Variants in RAP1GAP observed in about 807,000 individuals in gnomAD.
RAP1GAP encodes the protein RAP1 GTPase activating protein.
A neutral mutation model predicts 87.2 loss-of-function variants in RAP1GAP; 35 were observed. The observed-to-expected ratio is 0.40, with a 90% CI of 0.31 to 0.53. The LOEUF (loss-of-function observed/expected upper bound fraction) is 0.53. RAP1GAP is among the 20% of genes least tolerant of loss of function. The pLI is 0.48. For missense variants in RAP1GAP, 734 were observed against 898.9 expected, an observed-to-expected ratio of 0.82 and a Z score of 2.35; for synonymous variants, 375 against 363.9, an observed-to-expected ratio of 1.03 and a Z score of -0.35.
chr1:21,618,813 A>G (rs1300341266), intron 5 of RAP1GAP, among the ~76,000 whole-genome samples: 1 of 152,008 alleles, frequency 6.6e-6, no homozygotes, highest in African/African-American at 2.4e-5. Flanking sequence ...CTCTAGCAAG[A>G]GAGGGGTTCT....
chr1:21,628,592 C>T (rs1283920389), intron 2 of RAP1GAP, among the ~76,000 whole-genome samples: 10 of 152,068 alleles, frequency 6.6e-5, no homozygotes, highest in South Asian at 6.2e-4. Flanking sequence ...TGGTGGTGCA[C>T]GCCTATAGTC....
chr1:21,662,837 C>A (rs1481751968), intron 1 of RAP1GAP, among the ~76,000 whole-genome samples: 2 of 152,210 alleles, frequency 1.3e-5, no homozygotes, highest in Non-Finnish European at 2.9e-5. Flanking sequence ...GGCTATTTAA[C>A]CTCTCTGAGC....
chr1:21,597,846 G>C, intron 23 of RAP1GAP, 115 bp downstream of exon 23: 1 of 1,503,440 alleles, frequency 6.7e-7, no homozygotes, highest in Admixed American at 1.9e-5. Flanking sequence ...ACCCCTCCTG[G>C]CCTAGCGGGG....
rs776730385 is a variant in RAP1GAP, at chr1:21,609,664, T to C, written c.1000-18A>G. 26 of 1,546,196 alleles carry C rather than the reference T, an allele frequency of 1.7e-5. No homozygotes were observed. The highest frequency in any genetic ancestry group is 4.2e-5 in the African/African-American group (3 of 72,282). On this transcript the variant is annotated intron_variant, in intron 14 of 24. Coordinates refer to ENST00000374765, the MANE Select transcript of RAP1GAP (RefSeq NM_002885.4). This position sits in a 1 kb window ranked among gnomAD's most constrained non-coding sequence, Gnocchi z 4.4. ...ACAGAGACCTGGAAGGGAGGGCAGC[T>C]GTCTGTTCCTGTGGAGCCTGGGGTC...
intron 3 of RAP1GAP, among the ~76,000 whole-genome samples, chr1:21,626,013 T>C (rs2091880707): frequency 6.6e-6 from 1 of 152,110 alleles, no homozygotes; most frequent in Non-Finnish European, 1.5e-5. Flanking sequence ...GTGACGTTGA[T>C]TGTGGAGATG....
rs367763987 is a variant in RAP1GAP at position 21,608,355 on chromosome 1, G to A, written c.1159-5C>T. The A allele has an allele frequency of 6.2e-7, 1 of 1,612,084 alleles. No individual in the cohort carries two copies. Among genetic ancestry groups the A allele is most frequent in the Non-Finnish European group, 8.5e-7 (1 of 1,179,230 alleles). ...GAGGGCGGCCCGCGTCCGCTCCTGT[G>A]GGCCAGGCCCGGGCCGTCAGGAGGG... On this transcript the variant is annotated splice_region_variant and splice_polypyrimidine_tract_variant and intron_variant, in intron 16 of 24. Coordinates refer to ENST00000374765, the MANE Select transcript of RAP1GAP (RefSeq NM_002885.4).
In RAP1GAP at chr1:21,618,888, C is replaced by G. The variant is rs138930053; in HGVS notation, c.66+137G>C. 281 of 1,017,916 alleles carry G rather than the reference C, an allele frequency of 2.8e-4. 2 individuals are homozygous for G. The East Asian group carries it at 5.0e-3, about 18-fold the overall frequency. 63.1% of individuals were successfully genotyped at this position (1,017,916 alleles called of 1,614,324 possible). A position where few individuals can be genotyped will look rare whatever the true frequency, so the allele number is the denominator to read the frequency against. On this transcript the variant is annotated intron_variant, in intron 5 of 24. Transcript: ENST00000374765. ...CCCTGCTAGAAGCTGTGCCTCCCCCCCTACCCCCGCACCTGGCACACTGTA... is the reference window on the plus strand; with the variant it reads ...CCCTGCTAGAAGCTGTGCCTCCCCCGCTACCCCCGCACCTGGCACACTGTA...
chr1:21,640,596 G>T (rs1293238123), intron 2 of RAP1GAP, among the ~76,000 whole-genome samples: 2 of 152,230 alleles, frequency 1.3e-5, no homozygotes, highest in Non-Finnish European at 2.9e-5. Flanking sequence ...AGGCAGCTGG[G>T]CTGGGAAAGG....
chr1:21,603,776 C>A lies in RAP1GAP; in HGVS notation c.1429-863G>T, dbSNP rs766648897. 2.0e-6 allele frequency: 3 copies of A among 1,530,562 alleles called. No homozygotes were observed. The highest frequency in any genetic ancestry group is 4.5e-5 in the East Asian group (2 of 44,480). 94.8% of individuals were successfully genotyped at this position (1,530,562 alleles called of 1,614,324 possible). A position where few individuals can be genotyped will look rare whatever the true frequency, so the allele number is the denominator to read the frequency against. On this transcript the variant is annotated intron_variant, in intron 18 of 24. Coordinates refer to ENST00000374765, the MANE Select transcript of RAP1GAP (RefSeq NM_002885.4). The surrounding 1 kb of genome is among the most constrained non-coding windows in gnomAD (Gnocchi z 6.0). ...CCCAATATGGCCTCCGTCCTGAGAGCGAGCAGAGAACAGCGCGTGCAGGCA... is the reference window on the plus strand; with the variant it reads ...CCCAATATGGCCTCCGTCCTGAGAGAGAGCAGAGAACAGCGCGTGCAGGCA...
intron 1 of RAP1GAP, among the ~76,000 whole-genome samples, chr1:21,660,448 T>C (rs1196122466): frequency 6.7e-6 from 1 of 150,254 alleles, no homozygotes; most frequent in African/African-American, 2.4e-5. Context: ...ATTCTCTCGC[T>C]TCAGCCTCCT....
chr1:21,616,424 A>C (rs2082204241), intron 7 of RAP1GAP, among the ~76,000 whole-genome samples: 1 of 152,240 alleles, frequency 6.6e-6, no homozygotes, highest in South Asian at 2.1e-4. Flanking sequence ...GTGGTTCTAG[A>C]AGCTTTGCGT....
chr1:21,608,992 C>T, intron 15 of RAP1GAP, 56 bp from the exon 16 acceptor site: 1 of 1,473,872 alleles, frequency 6.8e-7, no homozygotes, highest in Non-Finnish European at 9.5e-7. Flanking sequence ...GACACATAAA[C>T]AAGGGTCGGA....
chr1:21,626,846 A>T (rs937430937), intron 2 of RAP1GAP: 7 of 455,490 alleles, frequency 1.5e-5, no homozygotes, highest in African/African-American at 1.2e-4. Context: ...ACCATAACTG[A>T]CGCTCATTGG....
chr1:21,660,482 C>T (rs1475522946), intron 1 of RAP1GAP, among the ~76,000 whole-genome samples: 3 of 151,158 alleles, frequency 2.0e-5, no homozygotes, highest in Non-Finnish European at 3.0e-5. Flanking sequence ...TACAGGCACC[C>T]GCCACCATGC....
At position 21,603,946 on chromosome 1, in the gene RAP1GAP, A is replaced by C. The variant is rs1271389865; in HGVS notation, c.1429-1033T>G. On this transcript the variant is annotated intron_variant, in intron 18 of 24. Coordinates refer to ENST00000374765, the MANE Select transcript of RAP1GAP (RefSeq NM_002885.4). This position sits in a 1 kb window ranked among gnomAD's most constrained non-coding sequence, Gnocchi z 6.0. Reference sequence around the variant, plus strand: ...CAGCAGAGGGCGGGGGCAGAGAGAGAGAGACAGAGAGAGAGTCAGAGAGCA... The same window carrying C: ...CAGCAGAGGGCGGGGGCAGAGAGAGCGAGACAGAGAGAGAGTCAGAGAGCA... 7.0e-7 allele frequency: 1 copy of C among 1,431,620 alleles called. No individual in the cohort carries two copies. The highest frequency in any genetic ancestry group is 9.5e-7 in the Non-Finnish European group (1 of 1,056,896). 88.7% of individuals were successfully genotyped at this position (1,431,620 alleles called of 1,614,324 possible).
In RAP1GAP at chr1:21,634,072, G is replaced by A. The variant is rs867249559; in HGVS notation, c.-112-7675C>T. ...CTGCCCCCTCCCGGGGGGGGGGGGG[G>A]GCCACAGAAGCCCATTGTTTTCTGA... On this transcript the variant is annotated intron_variant, in intron 2 of 24. Coordinates refer to ENST00000374765, the MANE Select transcript of RAP1GAP (RefSeq NM_002885.4). This position sits in a 1 kb window ranked among gnomAD's most constrained non-coding sequence, Gnocchi z 4.1. 8.7e-5 allele frequency among the ~76,000 whole-genome samples: 11 copies of A among 126,780 alleles called. 1 individual carries two copies. The highest frequency in any genetic ancestry group is 7.4e-4 in the East Asian group (3 of 4,052). The allele number at this position is 126,780 out of a possible 152,430, so 83.2% of individuals were successfully genotyped here. A position where few individuals can be genotyped will look rare whatever the true frequency, so the allele number is the denominator to read the frequency against.
chr1:21,608,024 A>G (rs957592778), intron 17 of RAP1GAP, among the ~76,000 whole-genome samples, 189 bp downstream of exon 17: 4 of 149,162 alleles, frequency 2.7e-5, no homozygotes, highest in Non-Finnish European at 5.9e-5. Context: ...TCAGACTCCA[A>G]TGCGAACGGC....
At chr1:21,667,176 A>G (rs2097390240) in intron 1 of RAP1GAP, among the ~76,000 whole-genome samples, 1 of 152,236 alleles carries the variant, frequency 6.6e-6, no homozygotes, top group South Asian at 2.1e-4. Context: ...CATGGAGGAC[A>G]GATCTGCCCG....
intron 2 of RAP1GAP, among the ~76,000 whole-genome samples, chr1:21,640,357 G>A (rs12142101): frequency 0.3 from 45,647 of 152,110 alleles, 7,888 homozygotes; most frequent in Middle Eastern, 0.4. Context: ...CACATTTCAT[G>A]GTGTGACCAT....
Sources: gnomAD v4.1 joint callset for allele counts (sites outside exome capture counted in the v4.1 genomes callset) on GRCh38, gnomAD v4.1.1 for gene constraint, Gnocchi (gnomAD v3.1) non-coding constraint, MANE v1.5 for transcripts, NCBI Gene and HGNC (gene_info 2026-07-23, HGNC 2026-07-21) for gene names.